ITGAE: variants seen among roughly 807,000 people sequenced by gnomAD.
ITGAE encodes integrin alpha-E.
ITGAE carries 99 observed loss-of-function variants against 136.5 expected under a neutral mutation model. The ratio of observed to expected loss-of-function variants is 0.73; its 90% CI spans 0.62 to 0.86. The LOEUF is 0.86. Ranked by LOEUF, ITGAE falls within the 40% of genes least tolerant of loss-of-function variation. The probability of loss-of-function intolerance (pLI) is 0.00; values close to 1 mark genes in which losing one functional copy is unlikely to be tolerated. For synonymous variants in ITGAE, 613 were observed against 591.8 expected, an observed-to-expected ratio of 1.04 and a Z score of -0.52; for missense variants, 1,447 against 1,515.3, an observed-to-expected ratio of 0.95 and a Z score of 0.75.
At position 3,794,634 on chromosome 17, in the gene ITGAE, G is replaced by A. The variant is rs889671528; in HGVS notation, c.34+6477C>T. Among the ~76,000 whole-genome samples, 29 of 152,174 alleles carry A rather than the reference G, an allele frequency of 1.9e-4. 2 individuals are homozygous for A. Among genetic ancestry groups the A allele is most frequent in the Admixed American group, 1.6e-3 (24 of 15,278 alleles). On this transcript the variant is annotated intron_variant, in intron 1 of 30. Transcript: ENST00000263087. The stretch of plus-strand genomic sequence containing the variant: ...CAGGGAAGAAGGCCGTACTGTTCCC[G>A]CTGCTCCCCCACGAATCCAGAACTG...
In ITGAE at chr17:3,795,237, G is replaced by C. The variant is rs186289135; in HGVS notation, c.34+5874C>G. Among the ~76,000 whole-genome samples the C allele has an allele frequency of 2.0e-3, 297 of 152,280 alleles. 4 individuals carry two copies. The highest frequency in any genetic ancestry group is 2.4e-3 in the Admixed American group (37 of 15,296). On this transcript the variant is annotated intron_variant, in intron 1 of 30. Transcript: ENST00000263087. Reference sequence around the variant, plus strand: ...CTGGATCAGGGTGATCTGTGATTCAGTTTGTCTGCCCTGAACTGTGATGTG... The same window carrying C: ...CTGGATCAGGGTGATCTGTGATTCACTTTGTCTGCCCTGAACTGTGATGTG...
chr17:3,749,877 G>A (rs191038443), intron 16 of ITGAE, among the ~76,000 whole-genome samples: 17 of 152,114 alleles, frequency 1.1e-4, no homozygotes, highest in Admixed American at 2.0e-4. Flanking sequence ...TTAGCCGGGC[G>A]TGGTGGCAGA....
At chr17:3,742,495 C>A (rs2051611864) in intron 19 of ITGAE, among the ~76,000 whole-genome samples, 2 of 142,390 alleles carry the variant, frequency 1.4e-5, no homozygotes, top group South Asian at 4.6e-4. Context: ...TTCTCTGTCA[C>A]TCAGGCTGGA....
In ITGAE at chr17:3,779,980, A is replaced by G. The variant is rs2052626279; in HGVS notation, c.35-2320T>C. 2.6e-5 allele frequency among the ~76,000 whole-genome samples: 4 copies of G among 151,804 alleles called. No homozygotes were observed. The South Asian group carries it at 8.3e-4, about 32-fold the overall frequency. On this transcript the variant is annotated intron_variant, in intron 1 of 30. Transcript: ENST00000263087. Reference sequence around the variant, plus strand: ...ATCATCATCTTGTTCCAAAATTATTATTATTTTTTTAAGATGGAGTTTCGC... The same window carrying G: ...ATCATCATCTTGTTCCAAAATTATTGTTATTTTTTTAAGATGGAGTTTCGC...
At chr17:3,796,815 A>G (rs371634868) in intron 1 of ITGAE, among the ~76,000 whole-genome samples, 2 of 152,128 alleles carry the variant, frequency 1.3e-5, no homozygotes, top group East Asian at 1.9e-4. Context: ...TCACAGTACA[A>G]TAAGTACCAC....
chr17:3,756,017 A>T (rs2052013365), intron 10 of ITGAE, 120 bp from the exon 11 acceptor site: 1 of 928,440 alleles, frequency 1.1e-6, no homozygotes, highest in Admixed American at 2.1e-5. Context: ...TAACAGGAAG[A>T]GAACCCGGCT....
rs1335658782 is a variant in ITGAE, at chr17:3,743,704, T to TC, written c.2320-88dup. 4 of 1,291,818 alleles carry TC rather than the reference T, an allele frequency of 3.1e-6. No homozygotes were observed. In the African/African-American group the frequency reaches 1.1e-4, roughly 35 times the overall value. The allele number at this position is 1,291,818 out of a possible 1,614,324, so 80.0% of individuals were successfully genotyped here. A position where few individuals can be genotyped will look rare whatever the true frequency, so the allele number is the denominator to read the frequency against. On this transcript the variant is annotated intron_variant, in intron 18 of 30. Coordinates refer to ENST00000263087, the MANE Select transcript of ITGAE (RefSeq NM_002208.5). ...AATGCTTTTTTTCTTTTTCTTTTTT[T>TC]CTTTTTTTTTTTTTTTGAGATGGAG...
At chr17:3,795,990 T>C (rs1414224401) in intron 1 of ITGAE, among the ~76,000 whole-genome samples, 15 of 7,136 alleles carry the variant, frequency 2.1e-3, no homozygotes, top group African/African-American at 7.8e-3. Flanking sequence ...TGTGTGCATC[T>C]GTGTGTGCAT....
intron 2 of ITGAE, among the ~76,000 whole-genome samples, chr17:3,769,713 T>C (rs539332348): frequency 6.6e-6 from 1 of 152,242 alleles, no homozygotes; most frequent in Non-Finnish European, 1.5e-5. Context: ...AGATGGAGTC[T>C]CACTCTGTCT....
At chr17:3,727,332 C>T (rs779150222) in intron 26 of ITGAE, among the ~76,000 whole-genome samples, 2 of 151,820 alleles carry the variant, frequency 1.3e-5, no homozygotes, top group Non-Finnish European at 2.9e-5. Flanking sequence ...ACATCGCTCA[C>T]ACAGAGAAGC....
rs2053096149 is a variant in ITGAE, at chr17:3,796,170, C to CGTGTGTGTGTGTTTGTGCATCCGT, written c.34+4940_34+4941insACGGATGCACAAACACACACACAC. ...ATCCGTGTGTGTGTGTGTGTGCATC[C>CGTGTGTGTGTGTTTGTGCATCCGT]GTGTGTGTGTGTGTGTGTGTGTGGT... On this transcript the variant is annotated intron_variant, in intron 1 of 30. Coordinates refer to ENST00000263087, the MANE Select transcript of ITGAE (RefSeq NM_002208.5). 2.4e-4 allele frequency among the ~76,000 whole-genome samples: 31 copies of CGTGTGTGTGTGTTTGTGCATCCGT among 127,036 alleles called. 1 individual carries two copies. Among genetic ancestry groups the CGTGTGTGTGTGTTTGTGCATCCGT allele is most frequent in the African/African-American group, 9.2e-4 (31 of 33,712 alleles). The allele number at this position is 127,036 out of a possible 152,430, so 83.3% of individuals were successfully genotyped here. A position where few individuals can be genotyped will look rare whatever the true frequency, so the allele number is the denominator to read the frequency against.
chr17:3,747,898 G>A (rs1184836162), intron 17 of ITGAE, 24 bp downstream of exon 17: 2 of 1,578,572 alleles, frequency 1.3e-6, no homozygotes, highest in East Asian at 2.4e-5. Flanking sequence ...CACCAGGCAG[G>A]GGTCAGCTGG....
intron 1 of ITGAE, chr17:3,784,497 C>A: frequency 6.2e-6 from 1 of 160,554 alleles, no homozygotes; most frequent in Non-Finnish European, 1.4e-5. Context: ...CAGGTTCAAG[C>A]GATTCTTCTG....
rs903418250 is a variant in ITGAE at position 3,753,204 on chromosome 17, G to A, written c.1668+86C>T. On this transcript the variant is annotated intron_variant, in intron 14 of 30. Coordinates refer to ENST00000263087, the MANE Select transcript of ITGAE (RefSeq NM_002208.5). ...TCACTGCCCACTGGTGCCAGGCAGG[G>A]CCAGGGCACTCCCAGCCTCCATCAC... 7.5e-6 allele frequency: 11 copies of A among 1,459,450 alleles called. No homozygotes were observed. In the Admixed American group the frequency reaches 2.2e-4, roughly 29 times the overall value. The allele number at this position is 1,459,450 out of a possible 1,614,324, so 90.4% of individuals were successfully genotyped here.
At chr17:3,780,404 C>G (rs2143342165) in intron 1 of ITGAE, among the ~76,000 whole-genome samples, 1 of 152,168 alleles carries the variant, frequency 6.6e-6, no homozygotes, top group South Asian at 2.1e-4. Flanking sequence ...ACCTCGTGAT[C>G]CGCCCACCTC....
chr17:3,727,760 A>G (rs535870757), intron 26 of ITGAE, among the ~76,000 whole-genome samples, 159 bp downstream of exon 26: 2 of 152,260 alleles, frequency 1.3e-5, no homozygotes, highest in Non-Finnish European at 2.9e-5. Context: ...GAGCTGAGTG[A>G]TTGAGAGTCC....
intron 17 of ITGAE, among the ~76,000 whole-genome samples, chr17:3,747,053 G>A (rs906719934): frequency 1.4e-4 from 21 of 152,228 alleles, no homozygotes; most frequent in African/African-American, 4.8e-4. Flanking sequence ...TCGTTCCAGG[G>A]GGGAGCTCTT....
Position 3,777,467 on chromosome 17 carries a change from G to A in ITGAE, c.155+73C>T, listed in dbSNP as rs73974123. ...TGGGGTGGGGTGGGCTGCCATGGCC[G>A]TCTCTGGGGCCCATCTCAGATTGCC... On this transcript the variant is annotated intron_variant, in intron 2 of 30. Transcript: ENST00000263087. 1.6e-3 allele frequency: 2,389 copies of A among 1,520,626 alleles called. 37 individuals are homozygous for A. The African/African-American group carries it at 0.028, about 18-fold the overall frequency. 94.2% of individuals were successfully genotyped at this position (1,520,626 alleles called of 1,614,324 possible).
Position 3,714,938 on chromosome 17 carries a change from C to A in ITGAE, c.3449G>T (p.Gly1150Val), listed in dbSNP as rs772199781. 1 of 1,592,470 alleles carries A rather than the reference C, an allele frequency of 6.3e-7. No homozygotes were observed. Among genetic ancestry groups the A allele is most frequent in the Admixed American group, 1.7e-5 (1 of 59,676 alleles). ...TTGTTGATATTTTCTTTTAAAAAAG[C>A]CACACTGAAACAAAGGAAGGAAAAG... ...IVILVILFKCGFFKRKYQQLN... is the reference protein window; with the variant it reads ...IVILVILFKCVFFKRKYQQLN... Residue 1150 changes from glycine to valine, a missense_variant, in exon 31 of 31, where the codon GGC becomes GTC. Gly to Val is a moderately radical substitution (Grantham distance 109, BLOSUM62 -3). This residue lies in a region of ITGAE where 1,031 missense variants were observed against 1,011.4 expected (regional missense o/e 1.02). Transcript: ENST00000263087.
Sources: allele counts gnomAD v4.1 joint callset (sites outside exome capture counted in the v4.1 genomes callset), GRCh38; gene constraint gnomAD v4.1.1; regional missense constraint gnomAD v4.1.1; transcripts MANE v1.5; gene names NCBI Gene and HGNC (gene_info 2026-07-23, HGNC 2026-07-21).